AHCYL2: variants seen among roughly 807,000 people sequenced by gnomAD.
The protein encoded by AHCYL2 is adenosylhomocysteinase like 2.
Under a neutral mutation model 81.4 loss-of-function variants are expected in AHCYL2, and 28 were observed. That is an observed-to-expected ratio of 0.34 (90% CI 0.25 to 0.47). AHCYL2 has a LOEUF of 0.47. Among genes scored for constraint, AHCYL2 ranks in the 20% least tolerant of loss-of-function variants. The pLI is 1.00. For missense variants in AHCYL2, 551 were observed against 785.1 expected, an observed-to-expected ratio of 0.70 and a Z score of 3.56; for synonymous variants, 272 against 290.2, an observed-to-expected ratio of 0.94 and a Z score of 0.64.
chr7:129,234,705 A>G (rs1794577574), intron 1 of AHCYL2, among the ~76,000 whole-genome samples: 1 of 152,100 alleles, frequency 6.6e-6, no homozygotes, highest in African/African-American at 2.4e-5. Context: ...TTTGTTGCCC[A>G]GGCTGGCCTC....
chr7:129,348,150 C>T (rs984381819), intron 1 of AHCYL2, among the ~76,000 whole-genome samples: 1 of 152,180 alleles, frequency 6.6e-6, no homozygotes, highest in African/African-American at 2.4e-5. Flanking sequence ...ATATTCACTA[C>T]AGCATTGTAT....
At chr7:129,348,342 G>A (rs953902661) in intron 1 of AHCYL2, among the ~76,000 whole-genome samples, 1 of 151,988 alleles carries the variant, frequency 6.6e-6, no homozygotes, top group Admixed American at 6.6e-5. Context: ...AAAACTGGAT[G>A]CAGAACTACA....
intron 4 of AHCYL2, among the ~76,000 whole-genome samples, chr7:129,393,847 C>CT (rs1369532369): frequency 1.3e-5 from 2 of 152,176 alleles, no homozygotes; most frequent in South Asian, 2.1e-4. Context: ...CCCAGATCCT[C>CT]TTTTTTCCCT....
chr7:129,385,438 C>A (rs1795157452), intron 2 of AHCYL2, among the ~76,000 whole-genome samples: 1 of 152,178 alleles, frequency 6.6e-6, no homozygotes, highest in Admixed American at 6.5e-5. Context: ...CTTAATCAGG[C>A]TTGAATCATA....
chr7:129,293,146 TG>T (rs11298188), intron 1 of AHCYL2, among the ~76,000 whole-genome samples: 51,588 of 105,092 alleles, frequency 0.49, 9,456 homozygotes, highest in East Asian at 0.55. Context: ...ACAGAGTTTT[TG>T]GGTTTTTTTT....
chr7:129,347,065 AT>A (rs1198375156), intron 1 of AHCYL2, among the ~76,000 whole-genome samples: 5 of 152,204 alleles, frequency 3.3e-5, no homozygotes, highest in African/African-American at 1.2e-4. Context: ...GATTCCAAAT[AT>A]GTGACCTTCT....
chr7:129,225,047 T>C lies in AHCYL2; in HGVS notation c.-30T>C. 1 of 1,565,590 alleles carries C rather than the reference T, an allele frequency of 6.4e-7. No individual in the cohort carries two copies. The highest frequency in any genetic ancestry group is 8.6e-7 in the Non-Finnish European group (1 of 1,158,042). On this transcript the variant is annotated 5_prime_UTR_variant, in exon 1 of 17. Coordinates refer to ENST00000325006, the MANE Select transcript of AHCYL2 (RefSeq NM_015328.4). ...GGCCGACCAAGAGCAGGAGCTGGAG[T>C]CTGAGCCGGTGGTTGCAGCGGAGGC...
intron 1 of AHCYL2, among the ~76,000 whole-genome samples, chr7:129,233,711 T>C (rs941892819): frequency 1.3e-5 from 2 of 152,162 alleles, no homozygotes; most frequent in Non-Finnish European, 2.9e-5. Flanking sequence ...TGGCTCAATC[T>C]CCTGACCTCG....
intron 4 of AHCYL2, among the ~76,000 whole-genome samples, chr7:129,391,874 T>C (rs1191379518): frequency 6.6e-6 from 1 of 152,206 alleles, no homozygotes. Flanking sequence ...CTGCTCAAAA[T>C]TAATATAATA....
intron 1 of AHCYL2, among the ~76,000 whole-genome samples, chr7:129,320,238 C>A (rs890845175): frequency 6.6e-6 from 1 of 152,036 alleles, no homozygotes; most frequent in Non-Finnish European, 1.5e-5. Context: ...TTTATATGTT[C>A]TAAATATATA....
intron 1 of AHCYL2, among the ~76,000 whole-genome samples, chr7:129,239,895 C>T (rs1171834775): frequency 6.6e-6 from 1 of 151,922 alleles, no homozygotes; most frequent in Non-Finnish European, 1.5e-5. Flanking sequence ...TACCCAGTCC[C>T]TTCCCACACA....
chr7:129,347,497 G>T (rs569771299), intron 1 of AHCYL2, among the ~76,000 whole-genome samples: 1 of 152,298 alleles, frequency 6.6e-6, no homozygotes, highest in African/African-American at 2.4e-5. Context: ...ACTGCATGGA[G>T]ACAGGTCAAA....
chr7:129,342,575 C>G (rs1404588911), intron 1 of AHCYL2, among the ~76,000 whole-genome samples: 1 of 152,130 alleles, frequency 6.6e-6, no homozygotes, highest in Non-Finnish European at 1.5e-5. Context: ...AGGGACTTAA[C>G]AAGGGTTAAT....
chr7:129,243,727 G>A (rs372008129), intron 1 of AHCYL2, among the ~76,000 whole-genome samples: 1 of 151,696 alleles, frequency 6.6e-6, no homozygotes. Flanking sequence ...GACTACAGGC[G>A]CCCACCACCA....
Position 129,426,684 on chromosome 7 carries a change from C to T in AHCYL2, c.1829+121C>T. On this transcript the variant is annotated intron_variant, in intron 16 of 16. Transcript: ENST00000325006. This position sits in a 1 kb window ranked among gnomAD's most constrained non-coding sequence, Gnocchi z 4.3. ...TGAACTCAGAAAAATGAACCCACTT[C>T]CCCTCACTGCCACCTTCAAAAGACT... is the stretch of plus-strand genomic sequence containing the variant. 20 of 1,342,250 alleles carry T rather than the reference C, an allele frequency of 1.5e-5. No homozygotes were observed. The highest frequency in any genetic ancestry group is 2.0e-5 in the Non-Finnish European group (20 of 1,002,012). 83.1% of individuals were successfully genotyped at this position (1,342,250 alleles called of 1,614,324 possible).
At chr7:129,413,727 T>G in intron 12 of AHCYL2, 39 bp downstream of exon 12, 1 of 1,556,968 alleles carries the variant, frequency 6.4e-7, no homozygotes, top group Non-Finnish European at 8.9e-7. Flanking sequence ...CTTTTTTCTC[T>G]CCTTCACAAG....
chr7:129,322,355 G>A lies in AHCYL2; in HGVS notation c.364-57283G>A, dbSNP rs181298682. 3.4e-3 allele frequency among the ~76,000 whole-genome samples: 515 copies of A among 152,238 alleles called. 1 individual carries two copies. Among genetic ancestry groups the A allele is most frequent in the African/African-American group, 0.012 (498 of 41,520 alleles). On this transcript the variant is annotated intron_variant, in intron 1 of 16. Coordinates refer to ENST00000325006, the MANE Select transcript of AHCYL2 (RefSeq NM_015328.4). ...TGGTTTTGCCATGTTGGCCAGGCTGGTCTTGAACTCCTGACCTCAGGTGAT... is the reference window on the plus strand; with the variant it reads ...TGGTTTTGCCATGTTGGCCAGGCTGATCTTGAACTCCTGACCTCAGGTGAT...
chr7:129,298,078 C>T (rs887908303), intron 1 of AHCYL2, among the ~76,000 whole-genome samples: 1 of 152,128 alleles, frequency 6.6e-6, no homozygotes, highest in South Asian at 2.1e-4. Context: ...TTTATATAAT[C>T]AGATAGCTAG....
chr7:129,325,891 G>A (rs1187299654), intron 1 of AHCYL2, among the ~76,000 whole-genome samples: 1 of 151,944 alleles, frequency 6.6e-6, no homozygotes, highest in African/African-American at 2.4e-5. Flanking sequence ...TTTTAGTAGA[G>A]GCGGGATTTC....
Sources: allele counts gnomAD v4.1 joint callset (sites outside exome capture counted in the v4.1 genomes callset), GRCh38; gene constraint gnomAD v4.1.1; non-coding constraint Gnocchi (gnomAD v3.1); transcripts MANE v1.5; gene names NCBI Gene and HGNC (gene_info 2026-07-23, HGNC 2026-07-21).